The following AFG3L2 variants were observed in gnomAD, a reference collection of about 807,000 sequenced individuals.
AFG3L2 encodes the protein AFG3 like matrix AAA peptidase subunit 2, also known as mitochondrial inner membrane m-AAA protease component AFG3L2.
Under a neutral mutation model 94.5 loss-of-function variants are expected in AFG3L2, and 54 were observed. That is an observed-to-expected ratio of 0.57 (90% CI 0.46 to 0.72). The LOEUF (loss-of-function observed/expected upper bound fraction) is 0.72. Ranked by LOEUF, AFG3L2 falls within the 30% of genes least tolerant of loss-of-function variation. AFG3L2 has a pLI of 0.00. For synonymous variants in AFG3L2, 377 were observed against 365.5 expected (o/e 1.03, Z -0.36); for missense variants, 754 against 994.9 (o/e 0.76, Z 3.26).
Position 12,377,008 on chromosome 18 carries a change from A to C in AFG3L2, c.75T>G (p.Pro25=). The C allele has an allele frequency of 6.8e-7, 1 of 1,461,122 alleles. No homozygotes were observed. The allele number at this position is 1,461,122 out of a possible 1,614,324, so 90.5% of individuals were successfully genotyped here. A position where few individuals can be genotyped will look rare whatever the true frequency, so the allele number is the denominator to read the frequency against. ...GCTGCTCGCCCGGGCCCACGCCGCC[A>C]GGCACGAGGAGCTGCTGTAGGCCGC... The part of the protein sequence containing the change: ...WPRGLQQLLV[P]GGVGPGEQPC... Residue 25 remains proline, a synonymous_variant, in exon 1 of 17, where the codon CCT becomes CCG. Transcript: ENST00000269143.
chr18:12,333,852 G>A (rs961074531), intron 16 of AFG3L2, among the ~76,000 whole-genome samples: 6 of 152,174 alleles, frequency 3.9e-5, no homozygotes, highest in African/African-American at 1.4e-4. Context: ...AGGGAGAGGG[G>A]AACGACCAGG....
intron 5 of AFG3L2, among the ~76,000 whole-genome samples, chr18:12,365,924 G>C (rs542015177): frequency 6.8e-6 from 1 of 146,594 alleles, no homozygotes; most frequent in African/African-American, 2.6e-5. Flanking sequence ...GCCCAGGCTG[G>C]AGTGCAGTGG....
chr18:12,329,498 C>G lies in AFG3L2; in HGVS notation c.*67G>C, dbSNP rs1249539139. ...CGCAGCATTCCCATTCTTCTGAAAGCCACAGCTGAAATAATGCACCAGCTG... is the reference window on the plus strand; with the variant it reads ...CGCAGCATTCCCATTCTTCTGAAAGGCACAGCTGAAATAATGCACCAGCTG... On this transcript the variant is annotated 3_prime_UTR_variant, in exon 17 of 17. Transcript: ENST00000269143. 6 of 1,498,124 alleles carry G rather than the reference C, an allele frequency of 4.0e-6. No homozygotes were observed. The highest frequency in any genetic ancestry group is 5.6e-6 in the Non-Finnish European group (6 of 1,076,004). The allele number at this position is 1,498,124 out of a possible 1,614,324, so 92.8% of individuals were successfully genotyped here. A position where few individuals can be genotyped will look rare whatever the true frequency, so the allele number is the denominator to read the frequency against.
At position 12,346,653 on chromosome 18, in the gene AFG3L2, G is replaced by A. The variant is rs191699107; in HGVS notation, c.1663+1620C>T. Among the ~76,000 whole-genome samples the A allele has an allele frequency of 3.4e-4, 51 of 152,102 alleles. No homozygotes were observed. The East Asian group carries it at 8.3e-3, about 25-fold the overall frequency. On this transcript the variant is annotated intron_variant, in intron 13 of 16. Transcript: ENST00000269143. ...ACTCAGTGGCTCACGCCTGTAATCCGAACACTTTGGGAGGCCGAGGCAGGC... is the reference window on the plus strand; with the variant it reads ...ACTCAGTGGCTCACGCCTGTAATCCAAACACTTTGGGAGGCCGAGGCAGGC...
chr18:12,336,629 G>A (rs1907751422), intron 16 of AFG3L2, among the ~76,000 whole-genome samples: 1 of 152,166 alleles, frequency 6.6e-6, no homozygotes, highest in Non-Finnish European at 1.5e-5. Flanking sequence ...CTGTACCTGG[G>A]CAGCAGGCAA....
chr18:12,359,526 G>C (rs961498290), intron 7 of AFG3L2, among the ~76,000 whole-genome samples: 4 of 152,176 alleles, frequency 2.6e-5, no homozygotes, highest in Non-Finnish European at 5.9e-5. Context: ...ATTACCTGAA[G>C]TCAGGAGTTC....
intron 9 of AFG3L2, among the ~76,000 whole-genome samples, chr18:12,356,436 G>C (rs1407771049): frequency 2.0e-5 from 3 of 152,214 alleles, no homozygotes; most frequent in African/African-American, 7.2e-5. Flanking sequence ...ACAGGCATGA[G>C]CCACCGCGCC....
chr18:12,357,411 T>C (rs546862131), intron 8 of AFG3L2, among the ~76,000 whole-genome samples: 17 of 152,322 alleles, frequency 1.1e-4, no homozygotes, highest in Non-Finnish European at 1.5e-4. Context: ...ACTACCACAC[T>C]ACCATATCCA....
intron 6 of AFG3L2, 32 bp from the exon 7 acceptor site, chr18:12,360,083 A>C (rs1375877152): frequency 6.2e-7 from 1 of 1,609,220 alleles, no homozygotes; most frequent in South Asian, 1.1e-5. Context: ...TATCCTAAGA[A>C]TGTAGTGAAA....
intron 2 of AFG3L2, among the ~76,000 whole-genome samples, chr18:12,371,194 A>G (rs1908977467): frequency 6.6e-6 from 1 of 152,012 alleles, no homozygotes; most frequent in African/African-American, 2.4e-5. Flanking sequence ...GGTGCCTGTA[A>G]TCCCAGCTAC....
At chr18:12,352,771 T>C (rs1480762038) in intron 10 of AFG3L2, among the ~76,000 whole-genome samples, 2 of 152,134 alleles carry the variant, frequency 1.3e-5, no homozygotes, top group Non-Finnish European at 2.9e-5. Context: ...TGCTTTTTTT[T>C]GTTTGTGATA....
chr18:12,337,046 T>C, intron 16 of AFG3L2: 1 of 589,490 alleles, frequency 1.7e-6, no homozygotes, highest in South Asian at 2.2e-5. Context: ...TACTGTGAAC[T>C]ATCTGGTGAG....
At chr18:12,366,079 T>C (rs976176930) in intron 5 of AFG3L2, among the ~76,000 whole-genome samples, 1 of 152,084 alleles carries the variant, frequency 6.6e-6, no homozygotes, top group Admixed American at 6.5e-5. Context: ...GGTTTCACCA[T>C]GTTAGCCAGG....
chr18:12,357,035 T>G, intron 8 of AFG3L2, among the ~76,000 whole-genome samples: 1 of 152,326 alleles, frequency 6.6e-6, no homozygotes, highest in Non-Finnish European at 1.5e-5. Flanking sequence ...TTCAAAAAAT[T>G]TGGTAAGAAT....
chr18:12,375,950 C>T (rs573194102), intron 1 of AFG3L2, among the ~76,000 whole-genome samples: 14 of 152,164 alleles, frequency 9.2e-5, no homozygotes, highest in African/African-American at 2.9e-4. Context: ...CGCTGCACTC[C>T]GGCCTGGGCG....
chr18:12,367,509 A>C (rs1908844971), intron 3 of AFG3L2, 127 bp from the exon 4 acceptor site: 1 of 858,244 alleles, frequency 1.2e-6, no homozygotes, highest in Non-Finnish European at 1.9e-6. Flanking sequence ...TCAGTTACTA[A>C]GTGAAGCACT....
intron 5 of AFG3L2, among the ~76,000 whole-genome samples, chr18:12,364,131 T>C (rs1362304438): frequency 6.6e-6 from 1 of 152,228 alleles, no homozygotes; most frequent in Non-Finnish European, 1.5e-5. Context: ...GATATGCACA[T>C]TCCCTTCTGC....
At chr18:12,347,344 C>A (rs1317372942) in intron 13 of AFG3L2, among the ~76,000 whole-genome samples, 1 of 152,202 alleles carries the variant, frequency 6.6e-6, no homozygotes, top group Non-Finnish European at 1.5e-5. Flanking sequence ...CTGGGGCACA[C>A]CCCTCCTCTT....
At chr18:12,375,940 C>T (rs980670460) in intron 1 of AFG3L2, among the ~76,000 whole-genome samples, 1 of 152,040 alleles carries the variant, frequency 6.6e-6, no homozygotes, top group African/African-American at 2.4e-5. Context: ...GTGTTTGCGC[C>T]GCTGCACTCC....
Sources: gnomAD v4.1 joint callset for allele counts (sites outside exome capture counted in the v4.1 genomes callset) on GRCh38, gnomAD v4.1.1 for gene constraint, MANE v1.5 for transcripts, NCBI Gene and HGNC (gene_info 2026-07-23, HGNC 2026-07-21) for gene names.